The following SCUBE2 variants were observed in gnomAD, a reference collection of about 807,000 sequenced individuals.
SCUBE2 encodes signal peptide, CUB and EGF-like domain-containing protein 2.
SCUBE2 carries 114 observed loss-of-function variants against 125.9 expected under a neutral mutation model. The ratio of observed to expected loss-of-function variants is 0.91; its 90% CI spans 0.78 to 1.06. SCUBE2 has a LOEUF of 1.06. Among genes scored for constraint, SCUBE2 ranks in the 50% least tolerant of loss-of-function variants. SCUBE2 has a pLI of 0.00. For synonymous variants in SCUBE2, 459 were observed against 492.9 expected, an observed-to-expected ratio of 0.93 and a Z score of 0.91; for missense variants, 1,255 against 1,301.8, an observed-to-expected ratio of 0.96 and a Z score of 0.55.
intron 2 of SCUBE2, among the ~76,000 whole-genome samples, chr11:9,083,289 A>G (rs958068774): frequency 1.4e-4 from 21 of 152,164 alleles, no homozygotes; most frequent in African/African-American, 5.1e-4. Context: ...GGGAAGGAAA[A>G]TATTGACCTA....
intron 16 of SCUBE2, among the ~76,000 whole-genome samples, chr11:9,035,563 A>G (rs1164612320): frequency 3.3e-5 from 5 of 152,212 alleles, no homozygotes; most frequent in African/African-American, 4.8e-5. Context: ...AAAGTTAACT[A>G]TTACAGCTCT....
chr11:9,021,184 A>G lies in SCUBE2; in HGVS notation c.2948T>C (p.Ile983Thr), dbSNP rs773084927. The G allele has an allele frequency of 1.3e-6, 2 of 1,577,440 alleles. No homozygotes were observed. Among genetic ancestry groups the G allele is most frequent in the East Asian group, 2.3e-5 (1 of 44,118 alleles). ...GGCCAGGACATCAAACAGAGCCTTG[A>G]TAAGTTTCTTATCCTAAAAAGAACA... ...HQEILKDKKL[I>T]KALFDVLAHP... The change falls in exon 23 of 23, where the codon ATC becomes ACC. Residue 983 changes from isoleucine to threonine, a missense_variant. By Grantham distance (89) the Ile-to-Thr change is moderately conservative. Around this residue, in one of 3 missense-constraint regions of SCUBE2, gnomAD observed 515 missense variants for 515.7 expected, o/e 1.00. Coordinates refer to ENST00000649792, the MANE Select transcript of SCUBE2 (RefSeq NM_001367977.2).
chr11:9,083,259 T>C (rs1429867838), intron 2 of SCUBE2, among the ~76,000 whole-genome samples: 1 of 152,138 alleles, frequency 6.6e-6, no homozygotes, highest in African/African-American at 2.4e-5. Context: ...ACTAATAGTA[T>C]AACCATACTG....
chr11:9,064,634 AATG>A (rs1860031353), intron 7 of SCUBE2: 1 of 152,182 alleles, frequency 6.6e-6, no homozygotes, highest in African/African-American at 2.4e-5. Flanking sequence ...GAGACAAGGA[AATG>A]ATGAGTTTCA....
chr11:9,090,665 T>G (rs1862609717), intron 1 of SCUBE2, among the ~76,000 whole-genome samples: 2 of 152,048 alleles, frequency 1.3e-5, no homozygotes, highest in Non-Finnish European at 2.9e-5. Context: ...TCTCAGATGC[T>G]GCGAAGCGGG....
intron 17 of SCUBE2, among the ~76,000 whole-genome samples, chr11:9,032,668 G>A (rs1856417291): frequency 6.6e-6 from 1 of 152,162 alleles, no homozygotes; most frequent in Admixed American, 6.5e-5. Flanking sequence ...AGGAGGTGGA[G>A]GTTGCAGTGA....
chr11:9,038,547 G>A (rs1161105019), intron 16 of SCUBE2, among the ~76,000 whole-genome samples: 5 of 152,212 alleles, frequency 3.3e-5, no homozygotes, highest in East Asian at 3.9e-4. Flanking sequence ...CCCAGGAGGC[G>A]GAGGTTGCAA....
intron 2 of SCUBE2, among the ~76,000 whole-genome samples, chr11:9,083,694 A>G (rs1428837064): frequency 6.6e-6 from 1 of 151,798 alleles, no homozygotes; most frequent in East Asian, 1.9e-4. Context: ...AGCTGGGATT[A>G]CAGGCGTGCT....
intron 2 of SCUBE2, among the ~76,000 whole-genome samples, chr11:9,085,312 T>C (rs1314262626): frequency 6.6e-6 from 1 of 152,250 alleles, no homozygotes; most frequent in Non-Finnish European, 1.5e-5. Context: ...ACTATAGTTA[T>C]GTAAGTTGTT....
At chr11:9,067,757 G>A (rs1860386527) in intron 5 of SCUBE2, among the ~76,000 whole-genome samples, 1 of 152,132 alleles carries the variant, frequency 6.6e-6, no homozygotes, top group South Asian at 2.1e-4. Context: ...GTTAAAATAT[G>A]TTAATGTTAA....
At chr11:9,071,326 C>T (rs1188804773) in intron 4 of SCUBE2, among the ~76,000 whole-genome samples, 2 of 152,160 alleles carry the variant, frequency 1.3e-5, no homozygotes, top group Admixed American at 6.5e-5. Context: ...AGAAATATTT[C>T]GTAAGAATGC....
chr11:9,032,792 C>T (rs1856428077), intron 17 of SCUBE2, among the ~76,000 whole-genome samples: 1 of 152,170 alleles, frequency 6.6e-6, no homozygotes, highest in Admixed American at 6.5e-5. Flanking sequence ...TGTCACCCCT[C>T]ATCAACCTTG....
chr11:9,023,004 G>A (rs1036989839), intron 21 of SCUBE2, among the ~76,000 whole-genome samples: 55 of 152,260 alleles, frequency 3.6e-4, no homozygotes, highest in African/African-American at 1.2e-3. Context: ...AACTGTGTGT[G>A]TTCTCTCATT....
intron 2 of SCUBE2, among the ~76,000 whole-genome samples, chr11:9,083,297 C>T (rs190616264): frequency 1.3e-5 from 2 of 152,114 alleles, no homozygotes; most frequent in Admixed American, 1.3e-4. Flanking sequence ...AAATATTGAC[C>T]TAAATAACAC....
intron 2 of SCUBE2, among the ~76,000 whole-genome samples, chr11:9,080,456 C>G (rs1186519679): frequency 6.6e-6 from 1 of 152,010 alleles, no homozygotes; most frequent in Non-Finnish European, 1.5e-5. Context: ...AGTTGCTGAC[C>G]TGGGCAACAT....
At chr11:9,070,140 GAGA>G (rs1351202683) in intron 4 of SCUBE2, among the ~76,000 whole-genome samples, 1 of 150,996 alleles carries the variant, frequency 6.6e-6, no homozygotes, top group Non-Finnish European at 1.5e-5. Flanking sequence ...GAGGGAGGGA[GAGA>G]AGAGACAGAG....
chr11:9,025,779 T>A lies in SCUBE2; in HGVS notation c.2777A>T (p.Lys926Met). The change falls in exon 21 of 23, where the codon AAG becomes ATG. Residue 926 changes from lysine to methionine, a missense_variant. Around this residue, in one of 3 missense-constraint regions of SCUBE2, gnomAD observed 515 missense variants for 515.7 expected, o/e 1.00. Transcript: ENST00000649792. Reference protein sequence around the residue: ...ERPIAFTSRSKKLWIQFKSNE... With the variant: ...ERPIAFTSRSMKLWIQFKSNE... ...GGACTTGAACTGAATCCACAGCTTCTTTGACCTGGAGGTGAAGGCGATGGG... is the reference window on the plus strand; with the variant it reads ...GGACTTGAACTGAATCCACAGCTTCATTGACCTGGAGGTGAAGGCGATGGG... 6.2e-7 allele frequency: 1 copy of A among 1,614,188 alleles called. No homozygotes were observed. Among genetic ancestry groups the A allele is most frequent in the Admixed American group, 1.7e-5 (1 of 60,014 alleles).
At chr11:9,078,556 G>T (rs2135890288) in intron 3 of SCUBE2, among the ~76,000 whole-genome samples, 1 of 152,288 alleles carries the variant, frequency 6.6e-6, no homozygotes, top group South Asian at 2.1e-4. Context: ...ACCATAAGGG[G>T]GCGTCTGAAT....
intron 17 of SCUBE2, 58 bp from the exon 18 acceptor site, chr11:9,030,983 C>T: frequency 6.5e-7 from 1 of 1,532,544 alleles, no homozygotes; most frequent in Non-Finnish European, 8.8e-7. Context: ...TTGCTCCCCA[C>T]TCTCCAAATG....
Sources: allele counts gnomAD v4.1 joint callset (sites outside exome capture counted in the v4.1 genomes callset), GRCh38; gene constraint gnomAD v4.1.1; regional missense constraint gnomAD v4.1.1; transcripts MANE v1.5; gene names NCBI Gene and HGNC (gene_info 2026-07-23, HGNC 2026-07-21).